The following FRMD6 variants were observed in gnomAD, a reference collection of about 807,000 sequenced individuals.
FRMD6 encodes the protein FERM domain containing 6.
A neutral mutation model predicts 73.2 loss-of-function variants in FRMD6; 37 were observed. The observed-to-expected ratio is 0.51, with a 90% confidence interval of 0.39 to 0.66. The LOEUF (loss-of-function observed/expected upper bound fraction) is 0.66, where lower values mean the gene tolerates loss of function less well. Among genes scored for constraint, FRMD6 ranks in the 30% least tolerant of loss-of-function variants. The pLI, the probability that FRMD6 is intolerant of heterozygous loss-of-function variation, is 0.00. For missense variants in FRMD6, 714 were observed against 780.5 expected (o/e 0.91, Z 1.02); for synonymous variants, 273 against 282.2 (o/e 0.97, Z 0.33).
chr14:51,601,123 TG>T (rs1460061525), intron 2 of FRMD6, among the ~76,000 whole-genome samples: 1 of 152,202 alleles, frequency 6.6e-6, no homozygotes, highest in African/African-American at 2.4e-5. Flanking sequence ...TGGCATTTCA[TG>T]GGCAGACCTG....
chr14:51,415,946 T>G, the FRMD6 span, among the ~76,000 whole-genome samples: 2 of 152,140 alleles, frequency 1.3e-5, no homozygotes, highest in African/African-American at 4.8e-5. Context: ...TGCGTAGAGG[T>G]GTTATAGTAT....
At chr14:51,456,575 C>A in the FRMD6 span, among the ~76,000 whole-genome samples, 1 of 152,040 alleles carries the variant, frequency 6.6e-6, no homozygotes, top group Non-Finnish European at 1.5e-5. Flanking sequence ...CTCTAATGAC[C>A]AGTGATGATG....
chr14:51,648,305 T>C, upstream of FRMD6, among the ~76,000 whole-genome samples: 1 of 152,310 alleles, frequency 6.6e-6, no homozygotes, highest in Non-Finnish European at 1.5e-5. Flanking sequence ...AAATACCACC[T>C]ACCAAAGTTT....
At position 51,519,739 on chromosome 14, in the gene FRMD6, G is replaced by A. The variant is rs559937820; in HGVS notation, c.-210+30319G>A. ...CTTTGTGCAGTGAAGAAGACTTTCTGTGGAAGGGTATTGGAGAGATAAGAA... is the reference window on the plus strand; with the variant it reads ...CTTTGTGCAGTGAAGAAGACTTTCTATGGAAGGGTATTGGAGAGATAAGAA... On this transcript the variant is annotated intron_variant, in intron 1 of 14. Coordinates refer to the FRMD6 transcript ENST00000356218. Among the ~76,000 whole-genome samples, 6 of 152,270 alleles carry A rather than the reference G, an allele frequency of 3.9e-5. No individual in the cohort carries two copies. In the South Asian group the frequency reaches 1.2e-3, roughly 32 times the overall value.
At chr14:51,593,272 G>C (rs1889506703) in intron 2 of FRMD6, among the ~76,000 whole-genome samples, 1 of 152,016 alleles carries the variant, frequency 6.6e-6, no homozygotes, top group Admixed American at 6.6e-5. Flanking sequence ...ACAAAGAGAG[G>C]GTATTTGTAA....
intron 1 of FRMD6, among the ~76,000 whole-genome samples, chr14:51,497,345 C>T (rs1306462886): frequency 6.6e-6 from 1 of 151,254 alleles, no homozygotes; most frequent in African/African-American, 2.4e-5. Flanking sequence ...ATCATCTAAA[C>T]TGTTATTTAT....
intron 12 of FRMD6, 107 bp downstream of exon 12, chr14:51,722,187 A>T: frequency 1.8e-6 from 2 of 1,090,680 alleles, no homozygotes; most frequent in Non-Finnish European, 2.7e-6. Context: ...TAGACCAGAG[A>T]CTGGACTGCA....
intron 1 of FRMD6, among the ~76,000 whole-genome samples, chr14:51,561,758 A>G (rs1251658494): frequency 6.6e-6 from 1 of 152,208 alleles, no homozygotes; most frequent in Non-Finnish European, 1.5e-5. Context: ...AAAGAAGGTC[A>G]AGGGCATCCA....
At chr14:51,672,719 C>A (rs978238419) in intron 1 of FRMD6, among the ~76,000 whole-genome samples, 1 of 152,028 alleles carries the variant, frequency 6.6e-6, no homozygotes, top group Non-Finnish European at 1.5e-5. Context: ...TTATCTATTT[C>A]GTCTTGAATG....
At chr14:51,680,103 G>A (rs1244953797) in intron 1 of FRMD6, among the ~76,000 whole-genome samples, 1 of 152,144 alleles carries the variant, frequency 6.6e-6, no homozygotes, top group Non-Finnish European at 1.5e-5. Context: ...TGCCATCCAA[G>A]TGAATCTTGT....
chr14:51,466,535 G>A, the FRMD6 span, among the ~76,000 whole-genome samples: 1 of 152,022 alleles, frequency 6.6e-6, no homozygotes, highest in Non-Finnish European at 1.5e-5. Flanking sequence ...AATCATTTTG[G>A]CACTTTGTCA....
intron 12 of FRMD6, among the ~76,000 whole-genome samples, chr14:51,723,561 A>G (rs1897752110): frequency 6.6e-6 from 1 of 152,004 alleles, no homozygotes. Context: ...TGGGTGGATC[A>G]CCTGAGGTCA....
At chr14:51,665,977 G>A (rs1348174008) in intron 1 of FRMD6, among the ~76,000 whole-genome samples, 1 of 152,196 alleles carries the variant, frequency 6.6e-6, no homozygotes, top group African/African-American at 2.4e-5. Context: ...GTAAATTGCT[G>A]AGTCTCAGGT....
chr14:51,575,253 G>T (rs1888339758), intron 2 of FRMD6, among the ~76,000 whole-genome samples: 1 of 152,170 alleles, frequency 6.6e-6, no homozygotes, highest in African/African-American at 2.4e-5. Flanking sequence ...AAGATCCAGA[G>T]GCAGTCTGAA....
chr14:51,652,053 C>G (rs1285208095), intron 1 of FRMD6, 57 bp downstream of exon 1: 1 of 152,130 alleles, frequency 6.6e-6, no homozygotes, highest in African/African-American at 2.4e-5. Context: ...GCTCAGCCGC[C>G]GCGCCCCGGA....
chr14:51,507,489 C>A (rs904909537), intron 1 of FRMD6, among the ~76,000 whole-genome samples: 2 of 152,086 alleles, frequency 1.3e-5, no homozygotes, highest in Non-Finnish European at 2.9e-5. Context: ...AGGTAGAGAC[C>A]CTGAATAATT....
intron 1 of FRMD6, among the ~76,000 whole-genome samples, chr14:51,500,462 G>A (rs1883550348): frequency 6.6e-6 from 1 of 152,064 alleles, no homozygotes; most frequent in Non-Finnish European, 1.5e-5. Context: ...TGGAAGCGGA[G>A]GTGGCAGTGA....
At chr14:51,415,309 T>C in the FRMD6 span, among the ~76,000 whole-genome samples, 1 of 152,320 alleles carries the variant, frequency 6.6e-6, no homozygotes, top group South Asian at 2.1e-4. Flanking sequence ...AAATAGCTCT[T>C]ATTATTTTGA....
At chr14:51,438,370 G>C in the FRMD6 span, among the ~76,000 whole-genome samples, 1 of 152,214 alleles carries the variant, frequency 6.6e-6, no homozygotes, top group Non-Finnish European at 1.5e-5. Flanking sequence ...TGGAAGGAAA[G>C]GAAAGATGAT....
Sources: gnomAD v4.1 joint callset for allele counts (sites outside exome capture counted in the v4.1 genomes callset) on GRCh38, gnomAD v4.1.1 for gene constraint, MANE v1.5 for transcripts, NCBI Gene and HGNC (gene_info 2026-07-23, HGNC 2026-07-21) for gene names.